CNTN1: variants seen among roughly 807,000 people sequenced by gnomAD.
CNTN1 encodes the protein contactin-1.
In CNTN1, 38 loss-of-function variants were observed where a neutral mutation model predicts 126.4. The ratio of observed to expected loss-of-function variants is 0.30; its 90% CI spans 0.23 to 0.39. The LOEUF is 0.39. Among genes scored for constraint, CNTN1 ranks in the 10% least tolerant of loss-of-function variants. The pLI, the probability that CNTN1 is intolerant of heterozygous loss-of-function variation, is 1.00. For missense variants in CNTN1, 1,009 were observed against 1,248.4 expected (o/e 0.81, Z 2.89); for synonymous variants, 413 against 422.6 (o/e 0.98, Z 0.28).
intron 5 of CNTN1, among the ~76,000 whole-genome samples, chr12:40,922,991 A>AAG (rs568743143): frequency 7.2e-6 from 1 of 139,376 alleles, no homozygotes; most frequent in African/African-American, 2.7e-5. Flanking sequence ...AAAAAAAAAG[A>AAG]CATCAATGGA....
intron 1 of CNTN1, among the ~76,000 whole-genome samples, chr12:40,735,104 T>C (rs1349412116): frequency 6.6e-6 from 1 of 152,126 alleles, no homozygotes; most frequent in East Asian, 1.9e-4. Context: ...TTTCAAAGGA[T>C]ATTTTGTTCA....
At chr12:40,737,420 C>A (rs1254585401) in intron 1 of CNTN1, among the ~76,000 whole-genome samples, 2 of 142,300 alleles carry the variant, frequency 1.4e-5, no homozygotes, top group Non-Finnish European at 3.0e-5. Context: ...TAGCAAGGTC[C>A]CACAGTAGGC....
chr12:40,821,244 T>G (rs920831369), intron 1 of CNTN1, among the ~76,000 whole-genome samples: 4 of 152,306 alleles, frequency 2.6e-5, no homozygotes, highest in African/African-American at 9.6e-5. Context: ...TTCCTTAATA[T>G]GTATCCAGAG....
intron 1 of CNTN1, among the ~76,000 whole-genome samples, chr12:40,758,446 A>G (rs2136410984): frequency 6.6e-6 from 1 of 152,212 alleles, no homozygotes; most frequent in Admixed American, 6.5e-5. Context: ...TTACTGAGAC[A>G]ATAATTGCAA....
chr12:40,847,118 G>T (rs912175343), intron 1 of CNTN1, among the ~76,000 whole-genome samples: 1 of 151,980 alleles, frequency 6.6e-6, no homozygotes, highest in Non-Finnish European at 1.5e-5. Context: ...CACCCACCTC[G>T]GCCTCCCAAA....
Position 40,822,663 on chromosome 12 carries a change from C to T in CNTN1, c.-76-85694C>T, listed in dbSNP as rs1335434391. On this transcript the variant is annotated intron_variant, in intron 1 of 23. Transcript: ENST00000551295. Reference sequence around the variant, plus strand: ...TCAAATTCTGTCTTATTCCTTATATCTATGTACCTTTAAGAAAGTTATTTA... The same window carrying T: ...TCAAATTCTGTCTTATTCCTTATATTTATGTACCTTTAAGAAAGTTATTTA... 4.6e-5 allele frequency among the ~76,000 whole-genome samples: 7 copies of T among 151,978 alleles called. 1 individual carries two copies. The highest frequency in any genetic ancestry group is 1.0e-4 in the Non-Finnish European group (7 of 67,998).
intron 20 of CNTN1, among the ~76,000 whole-genome samples, chr12:41,022,257 A>G (rs1948931521): frequency 1.3e-5 from 2 of 152,214 alleles, no homozygotes. Flanking sequence ...TCACATAGTC[A>G]GTAAAAAGTA....
intron 14 of CNTN1, among the ~76,000 whole-genome samples, chr12:40,951,569 G>A (rs1190328697): frequency 6.6e-6 from 1 of 151,456 alleles, no homozygotes; most frequent in Non-Finnish European, 1.5e-5. Context: ...ATTGGCCTAG[G>A]GTGGTGGTGC....
intron 14 of CNTN1, among the ~76,000 whole-genome samples, chr12:40,945,876 C>A (rs1946420443): frequency 6.6e-6 from 1 of 152,088 alleles, no homozygotes; most frequent in African/African-American, 2.4e-5. Context: ...AGTTACCCCT[C>A]CAGCTAATCC....
chr12:40,703,701 A>G (rs1391908430), intron 1 of CNTN1, among the ~76,000 whole-genome samples: 2 of 152,206 alleles, frequency 1.3e-5, no homozygotes, highest in Non-Finnish European at 1.5e-5. Flanking sequence ...GTTTCCTATG[A>G]ATAATCTACA....
chr12:41,027,807 AT>A, intron 21 of CNTN1, 49 bp from the exon 22 acceptor site: 1 of 1,095,062 alleles, frequency 9.1e-7, no homozygotes, highest in Non-Finnish European at 1.4e-6. Context: ...AGTATGCAGA[AT>A]TGAGATTGGA....
At chr12:40,694,010 C>T (rs755643859) in intron 1 of CNTN1, among the ~76,000 whole-genome samples, 4 of 152,174 alleles carry the variant, frequency 2.6e-5, no homozygotes, top group Non-Finnish European at 5.9e-5. Context: ...TTTTCGGTTT[C>T]TAAGTGTACA....
At chr12:40,909,998 C>A in intron 2 of CNTN1, 75 bp from the exon 3 acceptor site, 1 of 1,083,910 alleles carries the variant, frequency 9.2e-7, no homozygotes. Flanking sequence ...AGCATCTCAG[C>A]TATTTAAGTA....
At chr12:40,889,351 T>C (rs1944162035) in intron 1 of CNTN1, among the ~76,000 whole-genome samples, 1 of 152,204 alleles carries the variant, frequency 6.6e-6, no homozygotes, top group Non-Finnish European at 1.5e-5. Flanking sequence ...TGAATGGAAT[T>C]GAAGGAAAGA....
At chr12:40,969,456 C>T (rs954220932) in intron 15 of CNTN1, among the ~76,000 whole-genome samples, 1 of 152,134 alleles carries the variant, frequency 6.6e-6, no homozygotes. Context: ...GCAACTGACG[C>T]TTAGCTAGGA....
At chr12:40,887,314 C>A (rs1944073016) in intron 1 of CNTN1, among the ~76,000 whole-genome samples, 1 of 151,618 alleles carries the variant, frequency 6.6e-6, no homozygotes, top group Non-Finnish European at 1.5e-5. Flanking sequence ...CTAGAATTTA[C>A]AAGAAAAAAA....
At chr12:40,778,664 T>A in intron 1 of CNTN1, among the ~76,000 whole-genome samples, 1 of 151,806 alleles carries the variant, frequency 6.6e-6, no homozygotes, top group Non-Finnish European at 1.5e-5. Flanking sequence ...CCTTAGGTTT[T>A]ATCTTAAAAA....
At chr12:40,793,279 T>C (rs1160440756) in intron 1 of CNTN1, among the ~76,000 whole-genome samples, 1 of 152,088 alleles carries the variant, frequency 6.6e-6, no homozygotes, top group Admixed American at 6.6e-5. Flanking sequence ...ACTTCAACTA[T>C]CTGGCTCTTC....
At chr12:40,727,689 A>AC (rs1289222566) in intron 1 of CNTN1, among the ~76,000 whole-genome samples, 2 of 152,210 alleles carry the variant, frequency 1.3e-5, no homozygotes, top group Non-Finnish European at 2.9e-5. Context: ...TTGTTGAAAA[A>AC]TTCTAAAAAG....
Sources: gnomAD v4.1 joint callset for allele counts (sites outside exome capture counted in the v4.1 genomes callset) on GRCh38, gnomAD v4.1.1 for gene constraint, MANE v1.5 for transcripts, NCBI Gene and HGNC (gene_info 2026-07-23, HGNC 2026-07-21) for gene names.